Variants in SLC35A3 observed in about 807,000 individuals in gnomAD.
SLC35A3 encodes the protein UDP-N-acetylglucosamine transporter.
SLC35A3 carries 26 observed loss-of-function variants against 39.0 expected under a neutral mutation model. That is an observed-to-expected ratio of 0.67 (90% CI 0.49 to 0.92). The LOEUF is 0.92. Among genes scored for constraint, SLC35A3 ranks in the 40% least tolerant of loss-of-function variants. The pLI is 0.00. For synonymous variants in SLC35A3, 135 were observed against 133.1 expected, an observed-to-expected ratio of 1.01 and a Z score of -0.10; for missense variants, 299 against 371.6, an observed-to-expected ratio of 0.80 and a Z score of 1.61.
rs892279781 is a variant in SLC35A3 at position 100,034,067 on chromosome 1, T to C, written c.*11591T>C. Reference sequence around the variant, plus strand: ...TCCTTTTCTTGAGTTTGTCTGAATTTGTGCTTCACTGTTGGGTTGCTTGAT... The same window carrying C: ...TCCTTTTCTTGAGTTTGTCTGAATTCGTGCTTCACTGTTGGGTTGCTTGAT... On this transcript the variant is annotated 3_prime_UTR_variant, in exon 8 of 8. Transcript: ENST00000533028. 2.0e-5 allele frequency: 3 copies of C among 152,238 alleles called. No individual in the cohort carries two copies. The highest frequency in any genetic ancestry group is 7.2e-5 in the African/African-American group (3 of 41,470). 9.4% of individuals were successfully genotyped at this position (152,238 alleles called of 1,614,324 possible).
At position 100,024,959 on chromosome 1, in the gene SLC35A3, A is replaced by G; in HGVS notation, c.*2483A>G. ...GGCAGTGTTACCTTGCTTTTGCAGT[A>G]ATAGTCTACAGATTGCAGGTCTCAT... On this transcript the variant is annotated 3_prime_UTR_variant, in exon 8 of 8. Coordinates refer to ENST00000533028, the MANE Select transcript of SLC35A3 (RefSeq NM_012243.3). 2 of 320,822 alleles carry G rather than the reference A, an allele frequency of 6.2e-6. No homozygotes were observed. The highest frequency in any genetic ancestry group is 1.1e-5 in the Non-Finnish European group (2 of 178,404). 19.9% of individuals were successfully genotyped at this position (320,822 alleles called of 1,614,324 possible).
intron 1 of SLC35A3, among the ~76,000 whole-genome samples, chr1:99,984,715 T>C (rs537252622): frequency 6.6e-6 from 1 of 152,374 alleles, no homozygotes; most frequent in East Asian, 1.9e-4. Context: ...GTAAAAGTGT[T>C]CCCTTTTCAA....
rs71970416 is a variant in SLC35A3, at chr1:99,997,410, TTATATATATA to T, written c.188-1813_188-1804del. 4.4e-3 allele frequency among the ~76,000 whole-genome samples: 409 copies of T among 92,034 alleles called. 2 individuals carry two copies. Among genetic ancestry groups the T allele is most frequent in the East Asian group, 0.021 (67 of 3,262 alleles). The allele number at this position is 92,034 out of a possible 152,430, so 60.4% of individuals were successfully genotyped here. A position where few individuals can be genotyped will look rare whatever the true frequency, so the allele number is the denominator to read the frequency against. ...ACAGTTATATGTTTTATATATAGTT[TTATATATATA>T]TATATATATATATATATATATATAT... On this transcript the variant is annotated intron_variant, in intron 2 of 7. Coordinates refer to ENST00000533028, the MANE Select transcript of SLC35A3 (RefSeq NM_012243.3).
rs1660964979 is a variant in SLC35A3, at chr1:100,027,309, C to T, written c.*4833C>T. On this transcript the variant is annotated 3_prime_UTR_variant, in exon 8 of 8. Transcript: ENST00000533028. ...AAAAAATCTTAAAAATAAAATTAGC[C>T]AATATGTGGGCATGCACCTGTGGGG... The T allele has an allele frequency of 7.6e-6, 3 of 394,732 alleles. No individual in the cohort carries two copies. In the East Asian group the frequency reaches 1.1e-4, roughly 14 times the overall value. The allele number at this position is 394,732 out of a possible 1,614,324, so 24.5% of individuals were successfully genotyped here.
At chr1:100,011,238 T>G in intron 4 of SLC35A3, 127 bp from the exon 5 acceptor site, 1 of 425,840 alleles carries the variant, frequency 2.3e-6, no homozygotes, top group Admixed American at 4.2e-5. Flanking sequence ...TGTTAAAAGC[T>G]CTCCTTTGCA....
intron 5 of SLC35A3, 48 bp from the exon 6 acceptor site, chr1:100,015,254 C>T: frequency 6.9e-7 from 1 of 1,447,912 alleles, no homozygotes; most frequent in Non-Finnish European, 9.1e-7. Context: ...AAATATATCT[C>T]TTCAGACAAA....
chr1:99,993,805 TAACTACAC>T, intron 2 of SLC35A3, 64 bp downstream of exon 2: 2 of 1,388,468 alleles, frequency 1.4e-6, no homozygotes, highest in African/African-American at 2.9e-5. Context: ...TATATATTGG[TAACTACAC>T]ATTTGCACTC....
chr1:100,002,263 A>G (rs1658864503), intron 3 of SLC35A3, among the ~76,000 whole-genome samples: 1 of 152,034 alleles, frequency 6.6e-6, no homozygotes, highest in African/African-American at 2.4e-5. Context: ...CTTTTGTGGG[A>G]GGCTTTTTAA....
At chr1:100,003,438 A>AAAG (rs1329391996) in intron 3 of SLC35A3, among the ~76,000 whole-genome samples, 83 of 148,954 alleles carry the variant, frequency 5.6e-4, no homozygotes, top group African/African-American at 2.0e-3. Context: ...AAAAAAAAAA[A>AAAG]AGAGAAGAGG....
intron 6 of SLC35A3, among the ~76,000 whole-genome samples, chr1:100,016,714 A>G (rs1016317677): frequency 7.2e-5 from 11 of 152,200 alleles, no homozygotes; most frequent in Admixed American, 2.0e-4. Context: ...GGAAACAAAG[A>G]TAAGTGAAAA....
At chr1:100,014,035 T>C (rs1044700691) in intron 5 of SLC35A3, among the ~76,000 whole-genome samples, 6 of 152,150 alleles carry the variant, frequency 3.9e-5, no homozygotes, top group Non-Finnish European at 8.8e-5. Flanking sequence ...CCAATAGTCA[T>C]GTGATAGAAT....
At chr1:100,010,419 A>G (rs1046250463) in intron 4 of SLC35A3, among the ~76,000 whole-genome samples, 1 of 152,168 alleles carries the variant, frequency 6.6e-6, no homozygotes, top group Non-Finnish European at 1.5e-5. Context: ...TAGTTTGGGC[A>G]TGGTGGCTCA....
chr1:99,973,939 C>T (rs1434163912), intron 1 of SLC35A3, among the ~76,000 whole-genome samples: 8 of 148,000 alleles, frequency 5.4e-5, no homozygotes, highest in East Asian at 2.0e-4. Flanking sequence ...TGCTTGAACG[C>T]GGGAGGCGGA....
chr1:99,972,658 C>T (rs1656886046), intron 1 of SLC35A3, among the ~76,000 whole-genome samples: 1 of 152,060 alleles, frequency 6.6e-6, no homozygotes, highest in South Asian at 2.1e-4. Context: ...ATTTTTAAAG[C>T]ACTTTAGTAC....
intron 6 of SLC35A3, among the ~76,000 whole-genome samples, chr1:100,016,927 C>A (rs1487095622): frequency 1.3e-5 from 2 of 152,038 alleles, no homozygotes; most frequent in Admixed American, 1.3e-4. Flanking sequence ...ACAACATTGC[C>A]AAGAAATACT....
Position 100,007,110 on chromosome 1 carries a change from A to G in SLC35A3, c.419A>G (p.Gln140Arg). ...SMLSKKLGVY[Q>R]WLSLVILMTG... ...CTTAGTAAAAAATTGGGTGTATACC[A>G]GTGGCTGTCCCTAGTAATTTTGATG... is the stretch of plus-strand genomic sequence containing the variant. The change falls in exon 4 of 8, where the codon CAG (glutamine) becomes CGG (arginine). Residue 140 changes from glutamine (Q) to arginine (R), a missense_variant. Transcript: ENST00000533028. 1 of 1,612,628 alleles carries G rather than the reference A, an allele frequency of 6.2e-7. No individual in the cohort carries two copies. Among genetic ancestry groups the G allele is most frequent in the Non-Finnish European group, 8.5e-7 (1 of 1,179,254 alleles).
Position 100,032,319 on chromosome 1 carries a change from A to T in SLC35A3, c.*9843A>T, listed in dbSNP as rs941677783. 6.6e-6 allele frequency: 1 copy of T among 151,630 alleles called. No homozygotes were observed. Among genetic ancestry groups the T allele is most frequent in the Non-Finnish European group, 1.5e-5 (1 of 67,952 alleles). The allele number at this position is 151,630 out of a possible 1,614,324, so 9.4% of individuals were successfully genotyped here. ...ACACTGGGGTGCAAAATGGTGATAA[A>T]TTTTTTTTAGTGCTCTAAATTTCTT... is the stretch of plus-strand genomic sequence containing the variant. On this transcript the variant is annotated 3_prime_UTR_variant, in exon 8 of 8. Transcript: ENST00000533028.
At chr1:99,977,175 C>T (rs1371485806) in intron 1 of SLC35A3, among the ~76,000 whole-genome samples, 1 of 151,882 alleles carries the variant, frequency 6.6e-6, no homozygotes, top group Non-Finnish European at 1.5e-5. Flanking sequence ...CTTGATTACC[C>T]TTCTATGCTT....
intron 1 of SLC35A3, among the ~76,000 whole-genome samples, chr1:99,973,259 G>A (rs1656919847): frequency 6.6e-6 from 1 of 152,174 alleles, no homozygotes; most frequent in African/African-American, 2.4e-5. Flanking sequence ...CTGGGTAACT[G>A]AAATAGCTTG....
Sources: gnomAD v4.1 joint callset for allele counts (sites outside exome capture counted in the v4.1 genomes callset) on GRCh38, gnomAD v4.1.1 for gene constraint, MANE v1.5 for transcripts, NCBI Gene and HGNC (gene_info 2026-07-23, HGNC 2026-07-21) for gene names.